Variants in SUGCT observed in about 807,000 individuals in gnomAD.
SUGCT encodes succinyl-CoA:glutarate CoA-transferase.
SUGCT carries 41 observed loss-of-function variants against 55.0 expected under a neutral mutation model. The ratio of observed to expected loss-of-function variants is 0.74; its 90% confidence interval spans 0.58 to 0.97. The LOEUF (loss-of-function observed/expected upper bound fraction) is 0.97. Among genes scored for constraint, SUGCT ranks in the 50% least tolerant of loss-of-function variants. The probability of loss-of-function intolerance (pLI) is 0.00; values close to 1 mark genes in which losing one functional copy is unlikely to be tolerated. For missense variants in SUGCT, 568 were observed against 547.8 expected, an observed-to-expected ratio of 1.04 and a Z score of -0.37; for synonymous variants, 187 against 200.4, an observed-to-expected ratio of 0.93 and a Z score of 0.56.
intron 9 of SUGCT, among the ~76,000 whole-genome samples, chr7:40,408,442 G>A (rs543615594): frequency 1.5e-4 from 23 of 151,938 alleles, no homozygotes; most frequent in African/African-American, 4.8e-4. Context: ...TGGTGACCTC[G>A]TGGAACTCCT....
chr7:40,898,870 C>A, the SUGCT span, among the ~76,000 whole-genome samples: 1 of 151,970 alleles, frequency 6.6e-6, no homozygotes. Flanking sequence ...TGAATAGTTC[C>A]TAGATCAGGG....
chr7:40,748,956 AT>A (rs1787873300), intron 12 of SUGCT, among the ~76,000 whole-genome samples: 1 of 152,084 alleles, frequency 6.6e-6, no homozygotes, highest in Admixed American at 6.6e-5. Context: ...GGATACTCTG[AT>A]TTATTCTTCA....
the SUGCT span, among the ~76,000 whole-genome samples, chr7:40,968,630 C>G: frequency 6.6e-6 from 1 of 152,146 alleles, no homozygotes; most frequent in South Asian, 2.1e-4. Flanking sequence ...TTCTCCGTGG[C>G]CTACAGGAAA....
chr7:40,216,520 A>AT (rs1787655281), intron 6 of SUGCT, among the ~76,000 whole-genome samples: 1 of 151,346 alleles, frequency 6.6e-6, no homozygotes, highest in South Asian at 2.1e-4. Context: ...AAAAAAAAAA[A>AT]AGAAAGCATG....
intron 12 of SUGCT, among the ~76,000 whole-genome samples, chr7:40,704,681 G>A (rs904638454): frequency 8.0e-4 from 122 of 152,136 alleles, no homozygotes; most frequent in Non-Finnish European, 7.2e-4. Context: ...AGGTTTTGTC[G>A]TTTTTGTATT....
chr7:40,684,641 C>G (rs1377868551), intron 12 of SUGCT, among the ~76,000 whole-genome samples: 3 of 152,114 alleles, frequency 2.0e-5, no homozygotes, highest in Non-Finnish European at 4.4e-5. Flanking sequence ...GACATTTATT[C>G]TGTTCCATGG....
At chr7:40,874,666 GC>G in the SUGCT span, among the ~76,000 whole-genome samples, 1 of 152,090 alleles carries the variant, frequency 6.6e-6, no homozygotes, top group Non-Finnish European at 1.5e-5. Context: ...ATTCTCTAGG[GC>G]CAAGAGTGCA....
intron 9 of SUGCT, among the ~76,000 whole-genome samples, chr7:40,402,373 C>G (rs1360503587): frequency 1.3e-5 from 2 of 152,178 alleles, no homozygotes; most frequent in Non-Finnish European, 2.9e-5. Flanking sequence ...AAAAATCAAG[C>G]TGTCTTCTCT....
chr7:40,316,192 ATAATCT>A (rs1223395207), intron 8 of SUGCT, among the ~76,000 whole-genome samples: 1 of 152,226 alleles, frequency 6.6e-6, no homozygotes, highest in East Asian at 1.9e-4. Context: ...AAAAACTCAA[ATAATCT>A]TGATCTTTTC....
the SUGCT span, among the ~76,000 whole-genome samples, chr7:41,011,943 G>T: frequency 6.6e-6 from 1 of 151,804 alleles, no homozygotes; most frequent in Non-Finnish European, 1.5e-5. Flanking sequence ...CCTCAATCAC[G>T]CCCAGTTCCC....
chr7:40,290,911 G>A (rs1160790324), intron 8 of SUGCT, among the ~76,000 whole-genome samples: 5 of 152,246 alleles, frequency 3.3e-5, no homozygotes, highest in African/African-American at 9.6e-5. Context: ...AAAAATGCTT[G>A]TCATTACTGG....
intron 7 of SUGCT, among the ~76,000 whole-genome samples, chr7:40,242,542 A>T (rs1420990962): frequency 6.6e-6 from 1 of 151,862 alleles, no homozygotes; most frequent in Non-Finnish European, 1.5e-5. Flanking sequence ...CTAAAGCCCA[A>T]CTTTGAATCC....
At chr7:40,226,073 T>C (rs1351149534) in intron 6 of SUGCT, among the ~76,000 whole-genome samples, 1 of 152,228 alleles carries the variant, frequency 6.6e-6, no homozygotes, top group East Asian at 1.9e-4. Context: ...GGTTATATGT[T>C]AATTTAGATT....
intron 13 of SUGCT, among the ~76,000 whole-genome samples, chr7:40,836,334 A>C (rs1461633890): frequency 6.6e-6 from 1 of 152,218 alleles, no homozygotes; most frequent in African/African-American, 2.4e-5. Context: ...GTAGATTTAC[A>C]TGGAGTTGTA....
At chr7:40,304,987 C>A (rs1049614900) in intron 8 of SUGCT, among the ~76,000 whole-genome samples, 9 of 152,216 alleles carry the variant, frequency 5.9e-5, no homozygotes, top group Non-Finnish European at 1.2e-4. Context: ...GGGTCTTTAG[C>A]ATCATCATGC....
At chr7:40,543,063 A>G (rs1794788273) in intron 12 of SUGCT, among the ~76,000 whole-genome samples, 2 of 152,342 alleles carry the variant, frequency 1.3e-5, no homozygotes, top group East Asian at 1.9e-4. Context: ...CCCACCAGTG[A>G]ACAACAAAAG....
chr7:40,582,339 G>T (rs1471607789), intron 12 of SUGCT, among the ~76,000 whole-genome samples: 1 of 152,074 alleles, frequency 6.6e-6, no homozygotes, highest in African/African-American at 2.4e-5. Flanking sequence ...AACAAATTGT[G>T]TACTGGTTTT....
chr7:40,903,809 T>G, the SUGCT span, among the ~76,000 whole-genome samples: 1 of 152,168 alleles, frequency 6.6e-6, no homozygotes, highest in African/African-American at 2.4e-5. Context: ...AAGATTGCTA[T>G]TGTTCAAAGG....
intron 13 of SUGCT, among the ~76,000 whole-genome samples, chr7:40,830,918 T>C (rs1584503643): frequency 1.3e-5 from 2 of 152,132 alleles, no homozygotes; most frequent in Non-Finnish European, 2.9e-5. Context: ...AGGAGGAAAG[T>C]AAGAAAAAGC....
Sources: gnomAD v4.1 joint callset for allele counts (sites outside exome capture counted in the v4.1 genomes callset) on GRCh38, gnomAD v4.1.1 for gene constraint, MANE v1.5 for transcripts, NCBI Gene and HGNC (gene_info 2026-07-23, HGNC 2026-07-21) for gene names.